The following CLVS1 variants were observed in gnomAD, a reference collection of about 807,000 sequenced individuals.
CLVS1 encodes the protein clavesin 1, also known as clavesin-1.
In CLVS1, 10 loss-of-function variants were observed where a neutral mutation model predicts 33.1. The ratio of observed to expected loss-of-function variants is 0.30; its 90% CI spans 0.19 to 0.51. CLVS1 has a LOEUF of 0.51. Ranked by LOEUF, CLVS1 falls within the 20% of genes least tolerant of loss-of-function variation. The pLI is 0.97. For synonymous variants in CLVS1, 163 were observed against 166.1 expected (o/e 0.98, Z 0.14); for missense variants, 343 against 433.4 (o/e 0.79, Z 1.85).
At chr8:61,378,029 A>G (rs1329146539) in intron 3 of CLVS1, 6 of 151,692 alleles carry the variant, frequency 4.0e-5, no homozygotes, top group Non-Finnish European at 1.5e-5. Context: ...CTTTTCTCCA[A>G]CCTCCTCTCA....
At chr8:61,109,584 A>G (rs1805592240) in intron 1 of CLVS1, among the ~76,000 whole-genome samples, 1 of 152,196 alleles carries the variant, frequency 6.6e-6, no homozygotes, top group South Asian at 2.1e-4. Context: ...TTCAGTTCAA[A>G]TGGCAACTGT....
chr8:61,356,333 G>A (rs1264549660), intron 2 of CLVS1, among the ~76,000 whole-genome samples: 2 of 152,016 alleles, frequency 1.3e-5, no homozygotes, highest in Admixed American at 6.6e-5. Flanking sequence ...CAGATGAGTA[G>A]GTTGTGAAAA....
At chr8:61,196,523 G>A (rs1585680601) in intron 2 of CLVS1, among the ~76,000 whole-genome samples, 1 of 152,176 alleles carries the variant, frequency 6.6e-6, no homozygotes, top group Non-Finnish European at 1.5e-5. Flanking sequence ...TATTTTGGAA[G>A]CCCAGGGTTG....
chr8:61,150,238 T>C (rs1380721842), intron 2 of CLVS1, among the ~76,000 whole-genome samples: 1 of 151,994 alleles, frequency 6.6e-6, no homozygotes, highest in Non-Finnish European at 1.5e-5. Flanking sequence ...CCAGTTTTGC[T>C]CTTCTCCAAG....
At chr8:61,138,992 T>C (rs1806249192) in intron 2 of CLVS1, among the ~76,000 whole-genome samples, 1 of 152,254 alleles carries the variant, frequency 6.6e-6, no homozygotes, top group Non-Finnish European at 1.5e-5. Flanking sequence ...TTCTCCTTGC[T>C]CTTGTTGCAC....
intron 1 of CLVS1, among the ~76,000 whole-genome samples, chr8:61,076,577 C>T (rs537394333): frequency 4.6e-5 from 7 of 152,316 alleles, no homozygotes; most frequent in African/African-American, 1.7e-4. Flanking sequence ...ATATAATTGT[C>T]CTATCTGCAT....
chr8:61,458,418 C>T lies in CLVS1; in HGVS notation c.853C>T (p.Arg285Trp), dbSNP rs1267566672. The change falls in exon 5 of 6, where the codon CGG (arginine) becomes TGG (tryptophan). Residue 285 changes from arginine (R) to tryptophan (W), a missense_variant. By Grantham distance (101) the Arg-to-Trp change is moderately radical (BLOSUM62 -3). Coordinates refer to ENST00000325897, the MANE Select transcript of CLVS1 (RefSeq NM_173519.3). ...LPPYDMGTWA[R>W]TLLGPDYSDE... ...TCCTTATGACATGGGAACTTGGGCC[C>T]GGACGTTACTCGGTCCCGACTACAG... 1.2e-6 allele frequency: 2 copies of T among 1,614,026 alleles called. No homozygotes were observed. Among genetic ancestry groups the T allele is most frequent in the Non-Finnish European group, 1.7e-6 (2 of 1,179,970 alleles).
intron 5 of CLVS1, among the ~76,000 whole-genome samples, chr8:61,495,100 G>C (rs1219136765): frequency 6.6e-6 from 1 of 152,210 alleles, no homozygotes; most frequent in African/African-American, 2.4e-5. Context: ...AAGAAATCAT[G>C]TAGATCCCAA....
intron 2 of CLVS1, among the ~76,000 whole-genome samples, chr8:61,220,699 T>A (rs1405243332): frequency 6.6e-6 from 1 of 152,092 alleles, no homozygotes; most frequent in Non-Finnish European, 1.5e-5. Context: ...CTGTGAAGAA[T>A]GTCAGTGGTA....
chr8:61,486,847 C>T (rs1280596064), intron 5 of CLVS1, among the ~76,000 whole-genome samples: 1 of 152,146 alleles, frequency 6.6e-6, no homozygotes, highest in Non-Finnish European at 1.5e-5. Flanking sequence ...CTCTATCAGC[C>T]CCCACCAACT....
At chr8:61,174,126 AAT>A (rs1807064832) in intron 2 of CLVS1, among the ~76,000 whole-genome samples, 1 of 152,194 alleles carries the variant, frequency 6.6e-6, no homozygotes, top group African/African-American at 2.4e-5. Flanking sequence ...AGAGCTCAAG[AAT>A]ATTTAGAATG....
Position 61,288,443 on chromosome 8 carries a change from A to T in CLVS1, c.-152+305A>T, listed in dbSNP as rs546216463. 2.3e-3 allele frequency among the ~76,000 whole-genome samples: 352 copies of T among 152,306 alleles called. 1 individual carries two copies. Among genetic ancestry groups the T allele is most frequent in the African/African-American group, 8.1e-3 (338 of 41,544 alleles). ...TATAGTCACACAACTGTGTCTTGCC[A>T]CTTAGACAAAGCCCGAGGTCCGCAG... On this transcript the variant is annotated intron_variant, in intron 1 of 5. Coordinates refer to ENST00000325897, the MANE Select transcript of CLVS1 (RefSeq NM_173519.3).
the CLVS1 span, among the ~76,000 whole-genome samples, chr8:60,969,030 A>ACC: frequency 1.3e-5 from 2 of 152,012 alleles, no homozygotes; most frequent in Admixed American, 6.6e-5. Flanking sequence ...AGCCATGTTC[A>ACC]CCTTGTGGTG....
the CLVS1 span, among the ~76,000 whole-genome samples, chr8:61,006,702 A>G: frequency 6.6e-6 from 1 of 152,194 alleles, no homozygotes; most frequent in African/African-American, 2.4e-5. Flanking sequence ...GTGTCTATAT[A>G]AAACAGAAAA....
intron 1 of CLVS1, among the ~76,000 whole-genome samples, chr8:61,059,574 G>T (rs1804547119): frequency 6.7e-6 from 1 of 148,770 alleles, no homozygotes; most frequent in African/African-American, 2.5e-5. Context: ...ACTTTGGGAG[G>T]CCAAGGCAAG....
At chr8:61,199,928 T>C (rs756811058) in intron 2 of CLVS1, among the ~76,000 whole-genome samples, 37 of 152,222 alleles carry the variant, frequency 2.4e-4, no homozygotes, top group Middle Eastern at 3.4e-3. Flanking sequence ...AGGGACCTTG[T>C]TGAGAAAGTG....
chr8:61,398,998 G>A (rs1814645586), intron 3 of CLVS1, among the ~76,000 whole-genome samples: 1 of 152,164 alleles, frequency 6.6e-6, no homozygotes, highest in Non-Finnish European at 1.5e-5. Context: ...TGGGAATAGT[G>A]CTGCAGTGAA....
chr8:61,357,893 A>G (rs1812808813), intron 2 of CLVS1, among the ~76,000 whole-genome samples: 1 of 152,136 alleles, frequency 6.6e-6, no homozygotes, highest in South Asian at 2.1e-4. Flanking sequence ...TGCTGGAAAC[A>G]GATTCTGCTG....
chr8:61,271,840 C>G (rs1173123806), intron 2 of CLVS1, among the ~76,000 whole-genome samples: 1 of 150,268 alleles, frequency 6.7e-6, no homozygotes, highest in Non-Finnish European at 1.5e-5. Flanking sequence ...ATTGCAACCC[C>G]TGCCTTTTTT....
Sources: gnomAD v4.1 joint callset for allele counts (sites outside exome capture counted in the v4.1 genomes callset) on GRCh38, gnomAD v4.1.1 for gene constraint, MANE v1.5 for transcripts, NCBI Gene and HGNC (gene_info 2026-07-23, HGNC 2026-07-21) for gene names.